Variants in COMMD7 observed in about 807,000 individuals in gnomAD.
The protein encoded by COMMD7 is COMM domain-containing protein 7.
COMMD7 carries 28 observed loss-of-function variants against 34.8 expected under a neutral mutation model. The ratio of observed to expected loss-of-function variants is 0.80; its 90% confidence interval spans 0.60 to 1.10. The LOEUF (loss-of-function observed/expected upper bound fraction) is 1.10. Among genes scored for constraint, COMMD7 ranks in the 50% least tolerant of loss-of-function variants. The pLI is 0.00. For missense variants in COMMD7, 211 were observed against 241.6 expected, an observed-to-expected ratio of 0.87 and a Z score of 0.84; for synonymous variants, 80 against 86.4, an observed-to-expected ratio of 0.93 and a Z score of 0.41.
At chr20:32,713,809 G>A (rs1470380507) in intron 3 of COMMD7, among the ~76,000 whole-genome samples, 2 of 152,168 alleles carry the variant, frequency 1.3e-5, no homozygotes, top group African/African-American at 2.4e-5. Flanking sequence ...TAAAACATAA[G>A]CCATACAGGG....
At chr20:32,735,169 C>A (rs1242261845) in intron 1 of COMMD7, among the ~76,000 whole-genome samples, 1 of 150,420 alleles carries the variant, frequency 6.6e-6, no homozygotes, top group Non-Finnish European at 1.5e-5. Flanking sequence ...ACCCGGGAGG[C>A]AGAGGTTGCA....
chr20:32,704,202 GA>G (rs1423511038), intron 7 of COMMD7, 131 bp from the exon 8 acceptor site: 10 of 839,154 alleles, frequency 1.2e-5, no homozygotes, highest in Admixed American at 2.9e-5. Flanking sequence ...ATCCACCACC[GA>G]AAATTCTAAC....
chr20:32,714,136 C>A (rs28728231), intron 3 of COMMD7, among the ~76,000 whole-genome samples: 104,918 of 151,400 alleles, frequency 0.69, 36,986 homozygotes, highest in Middle Eastern at 0.82. Flanking sequence ...AAAAAACCCC[C>A]AAAAAAGAAG....
Position 32,704,466 on chromosome 20 carries a change from C to T in COMMD7, c.451G>A (p.Glu151Lys). 6.2e-7 allele frequency: 1 copy of T among 1,609,330 alleles called. No individual in the cohort carries two copies. The highest frequency in any genetic ancestry group is 8.5e-7 in the Non-Finnish European group (1 of 1,178,934). ...FGVTSGSSELEKVGSIFLQLK... is the reference protein window; with the variant it reads ...FGVTSGSSELKKVGSIFLQLK... ...TGTAAAAATATACTTCCCACTTTCT[C>T]CAATTCGCTGCTCCCAGATGTCACT... The change falls in exon 7 of 9, where the codon GAG (glutamate) becomes AAG (lysine). Residue 151 changes from glutamate (E) to lysine (K), a missense_variant. Coordinates refer to ENST00000278980, the MANE Select transcript of COMMD7 (RefSeq NM_053041.3).
chr20:32,705,377 T>TATATATATATATATATATA (rs1491348866), intron 5 of COMMD7, among the ~76,000 whole-genome samples: 1 of 84,436 alleles, frequency 1.2e-5, no homozygotes, highest in African/African-American at 5.1e-5. Context: ...TATATATATA[T>TATATATATATATATATATA]TTTTTTTTTT....
At chr20:32,740,455 T>C (rs1315972455) in intron 1 of COMMD7, among the ~76,000 whole-genome samples, 1 of 152,130 alleles carries the variant, frequency 6.6e-6, no homozygotes, top group African/African-American at 2.4e-5. Flanking sequence ...ATTTTGATAT[T>C]GTGGATTTAA....
intron 3 of COMMD7, among the ~76,000 whole-genome samples, chr20:32,714,635 C>G (rs1004815110): frequency 1.3e-5 from 2 of 151,944 alleles, no homozygotes; most frequent in Admixed American, 6.6e-5. Flanking sequence ...GCCAGCCTGG[C>G]CAATACGGTG....
At chr20:32,739,108 T>C (rs1427388042) in intron 1 of COMMD7, among the ~76,000 whole-genome samples, 1 of 152,208 alleles carries the variant, frequency 6.6e-6, no homozygotes, top group East Asian at 1.9e-4. Flanking sequence ...AATATATTAA[T>C]ATCGTATAAT....
intron 3 of COMMD7, 57 bp downstream of exon 3, chr20:32,727,836 C>T: frequency 7.2e-7 from 1 of 1,381,618 alleles, no homozygotes; most frequent in Non-Finnish European, 1.0e-6. Flanking sequence ...ACTCCATGGA[C>T]TAAAGGAATG....
At position 32,719,354 on chromosome 20, in the gene COMMD7, A is replaced by G. The variant is rs1401759588; in HGVS notation, c.241+8539T>C. Among the ~76,000 whole-genome samples, 6 of 152,206 alleles carry G rather than the reference A, an allele frequency of 3.9e-5. No individual in the cohort carries two copies. The East Asian group carries it at 1.2e-3, about 29-fold the overall frequency. ...GGATGCACAAGGACAAAGGATAAGA[A>G]GGGGACAGGAAGGCCGGGAGCAGTG... On this transcript the variant is annotated intron_variant, in intron 3 of 8. Transcript: ENST00000278980.
intron 8 of COMMD7, 144 bp from the exon 9 acceptor site, chr20:32,703,602 AAAG>A: frequency 2.1e-6 from 3 of 1,446,240 alleles, no homozygotes; most frequent in Non-Finnish European, 2.7e-6. Context: ...TGATCATAAT[AAAG>A]AACTGAGAGA....
In COMMD7 at chr20:32,732,475, T is replaced by C. The variant is rs146125664; in HGVS notation, c.85-4333A>G. Reference sequence around the variant, plus strand: ...TATCCTTTAGGTATGTTCCAAAAAGTAAATGTTTTGGCAAGTCACAGTGGC... The same window carrying C: ...TATCCTTTAGGTATGTTCCAAAAAGCAAATGTTTTGGCAAGTCACAGTGGC... On this transcript the variant is annotated intron_variant, in intron 1 of 8. Coordinates refer to ENST00000278980, the MANE Select transcript of COMMD7 (RefSeq NM_053041.3). Among the ~76,000 whole-genome samples the C allele has an allele frequency of 9.8e-3, 1,485 of 152,198 alleles. 95 individuals are homozygous for C. The highest frequency in any genetic ancestry group is 0.092 in the Admixed American group (1,395 of 15,244).
At chr20:32,720,680 A>G (rs1322364989) in intron 3 of COMMD7, among the ~76,000 whole-genome samples, 2 of 151,854 alleles carry the variant, frequency 1.3e-5, no homozygotes, top group Non-Finnish European at 2.9e-5. Flanking sequence ...GTGTTGGTGC[A>G]CCGTAGTCCC....
At chr20:32,727,029 A>C (rs1041912721) in intron 3 of COMMD7, among the ~76,000 whole-genome samples, 27 of 152,136 alleles carry the variant, frequency 1.8e-4, no homozygotes, top group African/African-American at 6.5e-4. Context: ...TAGGAGTTTG[A>C]GACTAGCCTG....
intron 5 of COMMD7, among the ~76,000 whole-genome samples, chr20:32,705,708 T>C (rs1033267178): frequency 6.6e-6 from 1 of 152,116 alleles, no homozygotes; most frequent in Non-Finnish European, 1.5e-5. Context: ...AGTCCTCTCC[T>C]GATCCATGAA....
At chr20:32,704,698 G>A in intron 6 of COMMD7, 116 bp downstream of exon 6, 1 of 831,976 alleles carries the variant, frequency 1.2e-6, no homozygotes, top group Non-Finnish European at 2.0e-6. Flanking sequence ...AACAGCAGCT[G>A]CTGCCCCAAC....
At chr20:32,725,487 G>T (rs535379993) in intron 3 of COMMD7, among the ~76,000 whole-genome samples, 1 of 144,924 alleles carries the variant, frequency 6.9e-6, no homozygotes, top group African/African-American at 2.5e-5. Flanking sequence ...GGAGTGCAGT[G>T]GCACGGTCTC....
chr20:32,731,815 C>T (rs1317088851), intron 1 of COMMD7, among the ~76,000 whole-genome samples: 1 of 152,182 alleles, frequency 6.6e-6, no homozygotes, highest in Non-Finnish European at 1.5e-5. Flanking sequence ...GAATGCTCAC[C>T]CACCCATGGC....
At chr20:32,733,094 G>C (rs918283027) in intron 1 of COMMD7, among the ~76,000 whole-genome samples, 4 of 150,628 alleles carry the variant, frequency 2.7e-5, no homozygotes, top group African/African-American at 9.8e-5. Context: ...AAATTAGCTG[G>C]GCATGGTGGC....
Sources: gnomAD v4.1 joint callset for allele counts (sites outside exome capture counted in the v4.1 genomes callset) on GRCh38, gnomAD v4.1.1 for gene constraint, MANE v1.5 for transcripts, NCBI Gene and HGNC (gene_info 2026-07-23, HGNC 2026-07-21) for gene names.